The following CHPF variants were observed in gnomAD, a reference collection of about 807,000 sequenced individuals.
CHPF encodes the protein chondroitin polymerizing factor.
A neutral mutation model predicts 55.1 loss-of-function variants in CHPF; 34 were observed. The ratio of observed to expected loss-of-function variants is 0.62; its 90% CI spans 0.47 to 0.82. The LOEUF (loss-of-function observed/expected upper bound fraction) is 0.82, where lower values mean the gene tolerates loss of function less well. CHPF is among the 40% of genes least tolerant of loss of function. CHPF has a pLI of 0.00. For missense variants in CHPF, 961 were observed against 1,106.1 expected, an observed-to-expected ratio of 0.87 and a Z score of 1.86; for synonymous variants, 489 against 496.6, an observed-to-expected ratio of 0.98 and a Z score of 0.20.
At chr2:219,543,082 A>C in intron 1 of CHPF, 143 bp downstream of exon 1, 1 of 1,362,474 alleles carries the variant, frequency 7.3e-7, no homozygotes, top group Non-Finnish European at 9.4e-7. Flanking sequence ...TCGGGAAGGC[A>C]GGGCCATCGG....
In CHPF at chr2:219,539,779, G is replaced by C. The variant is rs1375000715; in HGVS notation, c.1932C>G (p.Phe644Leu). The C allele has an allele frequency of 6.2e-7, 1 of 1,613,510 alleles. No individual in the cohort carries two copies. The highest frequency in any genetic ancestry group is 1.7e-5 in the Admixed American group (1 of 60,038). ...GGGCCACAGCTGGGTGGAAGGCTTG[G>C]AAATGCATGGGAAAGAAGGCCTGCC... ...SGWQAFFPMH[F>L]QAFHPAVAPP... Residue 644 changes from phenylalanine to leucine, a missense_variant, in exon 4 of 4, where the codon TTC (phenylalanine) becomes TTG (leucine). Physicochemically the swap from Phe to Leu is conservative, Grantham distance 22 (BLOSUM62 0). Around this residue, in one of 3 missense-constraint regions of CHPF, gnomAD observed 936 missense variants for 1,058.4 expected, o/e 0.88. Transcript: ENST00000243776.
chr2:219,543,137 TTCC>T, intron 1 of CHPF, 85 bp downstream of exon 1: 2 of 1,371,688 alleles, frequency 1.5e-6, no homozygotes, highest in South Asian at 3.3e-5. Context: ...AGCCCCTTCC[TTCC>T]GGAGCCTGAC....
chr2:219,542,277 C>A, intron 1 of CHPF, 88 bp from the exon 2 acceptor site: 1 of 964,672 alleles, frequency 1.0e-6, no homozygotes, highest in Non-Finnish European at 1.5e-6. Context: ...TGGCAGGTCA[C>A]GTCTTCTCTG....
chr2:219,543,047 A>C, intron 1 of CHPF, 178 bp downstream of exon 1: 2 of 1,358,948 alleles, frequency 1.5e-6, no homozygotes, highest in Non-Finnish European at 1.9e-6. Context: ...GGCCCAGAGA[A>C]AGTCTCGGAC....
Position 219,540,615 on chromosome 2 carries a change from C to A in CHPF, c.1096G>T (p.Ala366Ser). The change falls in exon 4 of 4, where the codon GCC (alanine) becomes TCC (serine). Residue 366 changes from alanine (A) to serine (S), a missense_variant. Physicochemically the swap from Ala to Ser is moderately conservative, Grantham distance 99. Coordinates refer to ENST00000243776, the MANE Select transcript of CHPF (RefSeq NM_024536.6). ...QWEIQNTSHL[A>S]VDGDQAAAWP... The stretch of plus-strand genomic sequence containing the variant: ...GCAGCTGCCTGGTCCCCATCAACGG[C>A]CAGATGGCTGGTATTCTGGATCTCC... 2 of 1,605,844 alleles carry A rather than the reference C, an allele frequency of 1.2e-6. No homozygotes were observed. The highest frequency in any genetic ancestry group is 3.3e-4 in the Middle Eastern group (2 of 6,048).
chr2:219,540,667 G>A lies in CHPF; in HGVS notation c.1069-25C>T, dbSNP rs141658653. ...ACTGGATCAGAGAAACAGGCCATCA[G>A]CAAGGGACAGATTACAGGGAGCAGC... is the stretch of plus-strand genomic sequence containing the variant. On this transcript the variant is annotated intron_variant, in intron 3 of 3. Coordinates refer to ENST00000243776, the MANE Select transcript of CHPF (RefSeq NM_024536.6). 1,012 of 1,557,980 alleles carry A rather than the reference G, an allele frequency of 6.5e-4. 3 individuals carry two copies. In the African/African-American group the frequency reaches 0.012, roughly 19 times the overall value.
Position 219,541,793 on chromosome 2 carries a change from G to A in CHPF, c.711C>T (p.Pro237=), listed in dbSNP as rs763919950. The change falls in exon 2 of 4, where the codon CCC becomes CCT. Residue 237 remains proline, a synonymous_variant. Coordinates refer to ENST00000243776, the MANE Select transcript of CHPF (RefSeq NM_024536.6). ...CTCCGTGGCAGTAGCGGCCGGGGGT[G>A]GGCTCTCCGCCGATGAAGTCCTGGG... is the stretch of plus-strand genomic sequence containing the variant. The part of the protein sequence containing the change: ...GRPQDFIGGE[P]TPGRYCHGGF... The A allele has an allele frequency of 9.3e-6, 15 of 1,606,600 alleles. No individual in the cohort carries two copies. Among genetic ancestry groups the A allele is most frequent in the African/African-American group, 2.7e-5 (2 of 74,812 alleles).
rs1232248553 is a variant in CHPF, at chr2:219,540,012, T to C, written c.1699A>G (p.Lys567Glu). Residue 567 changes from lysine to glutamate, a missense_variant, in exon 4 of 4, where the codon AAG becomes GAG. Lys to Glu is a moderately conservative substitution (Grantham distance 56). Coordinates refer to ENST00000243776, the MANE Select transcript of CHPF (RefSeq NM_024536.6). ...VAHADVFAPV[K>E]AHVAELERRF... ...CGCTCCAGCTCTGCCACGTGGGCCT[T>C]GACAGGTGCGAAGACATCTGCATGG... The C allele has an allele frequency of 6.2e-7, 1 of 1,613,434 alleles. No individual in the cohort carries two copies. The highest frequency in any genetic ancestry group is 8.5e-7 in the Non-Finnish European group (1 of 1,179,956).
chr2:219,539,625 CT>C lies in CHPF; in HGVS notation c.2085del (p.Glu696AsnfsTer198). ...VAARGRLAAA[S>X]EQEEELLESL... Reference sequence around the variant, plus strand: ...CTCTCCAGCAGCTCCTCTTCTTGTTCTGAGGCTGCCGCCAGGCGCCCACGGG... The same window carrying C: ...CTCTCCAGCAGCTCCTCTTCTTGTTCGAGGCTGCCGCCAGGCGCCCACGGG... On this transcript the variant is annotated frameshift_variant, in exon 4 of 4. Transcript: ENST00000243776. LOFTEE classifies it high-confidence loss of function. 6.2e-7 allele frequency: 1 copy of C among 1,613,618 alleles called. No individual in the cohort carries two copies. The highest frequency in any genetic ancestry group is 2.2e-5 in the East Asian group (1 of 44,866).
In CHPF at chr2:219,540,607, A is replaced by G. The variant is rs373420565; in HGVS notation, c.1104T>C (p.Asp368=). ...CGGGCCAAGCAGCTGCCTGGTCCCC[A>G]TCAACGGCCAGATGGCTGGTATTCT... is the stretch of plus-strand genomic sequence containing the variant. ...EIQNTSHLAV[D]GDQAAAWPVG... The change falls in exon 4 of 4, where the codon GAT becomes GAC. Residue 368 remains aspartate (D), a synonymous_variant. Coordinates refer to ENST00000243776, the MANE Select transcript of CHPF (RefSeq NM_024536.6). 6.6e-5 allele frequency: 106 copies of G among 1,608,108 alleles called. No homozygotes were observed. The highest frequency in any genetic ancestry group is 8.7e-5 in the Non-Finnish European group (103 of 1,177,394).
At position 219,543,428 on chromosome 2, in the gene CHPF, C is replaced by G. The variant is rs747225817; in HGVS notation, c.111G>C (p.Pro37=). 12 of 1,521,516 alleles carry G rather than the reference C, an allele frequency of 7.9e-6. No homozygotes were observed. The highest frequency in any genetic ancestry group is 9.6e-6 in the Non-Finnish European group (11 of 1,145,190). The allele number at this position is 1,521,516 out of a possible 1,614,324, so 94.3% of individuals were successfully genotyped here. ...SLLSVTWVEE[P]CGPGPPQPGD... is the part of the protein sequence containing the mutation. ...CAGGTTGGGGCGGGCCTGGGCCGCA[C>G]GGCTCCTCCACCCAGGTGACGCTGA... The change falls in exon 1 of 4, where the codon CCG becomes CCC. Residue 37 remains proline (P), a synonymous_variant. Transcript: ENST00000243776.
In CHPF at chr2:219,541,143, A is replaced by T. The variant is rs760188971; in HGVS notation, c.889-18T>A. ...TGCACCCCCTGGGGAGAGGAAGGGA[A>T]GGGATCTGTGATGAGCTGGCATTGT... is the stretch of plus-strand genomic sequence containing the variant. On this transcript the variant is annotated intron_variant, in intron 2 of 3. Transcript: ENST00000243776. 14 of 1,571,854 alleles carry T rather than the reference A, an allele frequency of 8.9e-6. 1 individual carries two copies. The highest frequency in any genetic ancestry group is 2.3e-5 in the South Asian group (2 of 85,200).
Position 219,539,534 on chromosome 2 carries a change from G to T in CHPF, c.2177C>A (p.Ala726Glu). 1 of 1,613,808 alleles carries T rather than the reference G, an allele frequency of 6.2e-7. No individual in the cohort carries two copies. The highest frequency in any genetic ancestry group is 8.5e-7 in the Non-Finnish European group (1 of 1,179,924). The change falls in exon 4 of 4, where the codon GCG (alanine) becomes GAG (glutamate). Residue 726 changes from alanine to glutamate, a missense_variant. By Grantham distance (107) the Ala-to-Glu change is moderately radical (BLOSUM62 -1). Coordinates refer to ENST00000243776, the MANE Select transcript of CHPF (RefSeq NM_024536.6). ...SLHVLRAVEPALLQRYRAQTC... is the reference protein window; with the variant it reads ...SLHVLRAVEPELLQRYRAQTC... ...CTGGGCCCGGTAGCGCTGCAGCAGC[G>T]CCGGCTCCACCGCCCGCAGCACATG...
At position 219,540,518 on chromosome 2, in the gene CHPF, G is replaced by T; in HGVS notation, c.1193C>A (p.Thr398Lys). ...RFEVLRWDYF[T>K]EQHAFSCADG... ...GGCGCAGGAGAAAGCGTGCTGCTCC[G>T]TGAAGTAGTCCCAGCGCAGCACCTC... The change falls in exon 4 of 4, where the codon ACG (threonine) becomes AAG (lysine). Residue 398 changes from threonine to lysine, a missense_variant. Thr to Lys is a moderately conservative substitution (Grantham distance 78, BLOSUM62 -1). Coordinates refer to ENST00000243776, the MANE Select transcript of CHPF (RefSeq NM_024536.6). 1.9e-6 allele frequency: 3 copies of T among 1,614,040 alleles called. No homozygotes were observed. Among genetic ancestry groups the T allele is most frequent in the Non-Finnish European group, 2.5e-6 (3 of 1,180,010 alleles).
rs1440439052 is a variant in CHPF, at chr2:219,543,124, G to A, written c.314+101C>T. On this transcript the variant is annotated intron_variant, in intron 1 of 3. Coordinates refer to ENST00000243776, the MANE Select transcript of CHPF (RefSeq NM_024536.6). ...TCGGGGCCCAAAGACTTCCTGGCTC[G>A]CCAGCCCCTTCCTTCCGGAGCCTGA... 6 of 1,367,902 alleles carry A rather than the reference G, an allele frequency of 4.4e-6. No individual in the cohort carries two copies. In the African/African-American group the frequency reaches 4.6e-5, roughly 11 times the overall value. The allele number at this position is 1,367,902 out of a possible 1,614,324, so 84.7% of individuals were successfully genotyped here.
chr2:219,540,569 G>T lies in CHPF; in HGVS notation c.1142C>A (p.Ala381Glu), dbSNP rs766726125. 1.2e-6 allele frequency: 2 copies of T among 1,613,424 alleles called. No individual in the cohort carries two copies. Among genetic ancestry groups the T allele is most frequent in the African/African-American group, 2.7e-5 (2 of 74,942 alleles). ...QAAAWPVGIP[A>E]PSRPASRFEV... is the part of the protein sequence containing the mutation. The stretch of plus-strand genomic sequence containing the variant: ...AAAGCGGGAGGCCGGGCGGGATGGT[G>T]CTGGAATACCCACGGGCCAAGCAGC... The change falls in exon 4 of 4, where the codon GCA becomes GAA. Residue 381 changes from alanine to glutamate, a missense_variant. Coordinates refer to ENST00000243776, the MANE Select transcript of CHPF (RefSeq NM_024536.6).
At position 219,539,153 on chromosome 2, in the gene CHPF, C is replaced by T; in HGVS notation, c.*230G>A. 1 of 550,040 alleles carries T rather than the reference C, an allele frequency of 1.8e-6. No individual in the cohort carries two copies. The highest frequency in any genetic ancestry group is 2.9e-5 in the East Asian group (1 of 34,064). 34.1% of individuals were successfully genotyped at this position (550,040 alleles called of 1,614,324 possible). On this transcript the variant is annotated 3_prime_UTR_variant, in exon 4 of 4. Coordinates refer to ENST00000243776, the MANE Select transcript of CHPF (RefSeq NM_024536.6). ...AGGCCACAGCCCGAATCAGCAGCGT[C>T]AGGGGGCAGGGAAACTGGGTTTGGG...
chr2:219,541,885 G>T lies in CHPF; in HGVS notation c.619C>A (p.His207Asn), dbSNP rs1207975002. ...TGGCCAGTTAGGCGTGCCAGGCCGTGCGCCTCGGTGTAGGTGGTGTCAGGC... is the reference window on the plus strand; with the variant it reads ...TGGCCAGTTAGGCGTGCCAGGCCGTTCGCCTCGGTGTAGGTGGTGTCAGGC... ...LVPDTTYTEA[H>N]GLARLTGHLS... Residue 207 changes from histidine to asparagine, a missense_variant, in exon 2 of 4, where the codon CAC (histidine) becomes AAC (asparagine). This residue lies in a region of CHPF where 936 missense variants were observed against 1,058.4 expected (regional missense o/e 0.88). Coordinates refer to ENST00000243776, the MANE Select transcript of CHPF (RefSeq NM_024536.6). 1 of 1,613,308 alleles carries T rather than the reference G, an allele frequency of 6.2e-7. No homozygotes were observed.
At chr2:219,543,021 G>A in intron 1 of CHPF, 1 of 1,351,628 alleles carries the variant, frequency 7.4e-7, no homozygotes, top group Middle Eastern at 2.8e-4. Context: ...AGTAAGTTCA[G>A]CCCAGGCCGG....
Sources: allele counts gnomAD v4.1 joint callset, GRCh38; gene constraint gnomAD v4.1.1; regional missense constraint gnomAD v4.1.1; transcripts MANE v1.5; gene names NCBI Gene and HGNC (gene_info 2026-07-23, HGNC 2026-07-21).